Variants in ATP2C2 observed in about 807,000 individuals in gnomAD.
The protein encoded by ATP2C2 is ATPase secretory pathway Ca2+ transporting 2.
Under a neutral mutation model 110.8 loss-of-function variants are expected in ATP2C2, and 171 were observed. The ratio of observed to expected loss-of-function variants is 1.54; its 90% CI spans 1.36 to 1.75. ATP2C2 has a LOEUF of 1.75. Ranked by LOEUF, ATP2C2 falls within the 40% of genes most tolerant of loss-of-function variation. The pLI is 0.00. For missense variants in ATP2C2, 1,963 were observed against 1,235.0 expected, an observed-to-expected ratio of 1.59 and a Z score of -8.84; for synonymous variants, 804 against 508.4, an observed-to-expected ratio of 1.58 and a Z score of -7.82.
intron 15 of ATP2C2, among the ~76,000 whole-genome samples, chr16:84,445,702 ACTCC>A (rs1909683213): frequency 6.6e-6 from 1 of 151,706 alleles, no homozygotes; most frequent in East Asian, 1.9e-4. Flanking sequence ...TAATCACCCC[ACTCC>A]CTCCCCATGA....
At chr16:84,370,260 T>A (rs1597720391) in intron 1 of ATP2C2, among the ~76,000 whole-genome samples, 1 of 152,168 alleles carries the variant, frequency 6.6e-6, no homozygotes, top group Admixed American at 6.5e-5. Flanking sequence ...GTTCAGCCGG[T>A]CTGTCAGTGT....
chr16:84,421,445 G>A (rs1907330444), intron 7 of ATP2C2, among the ~76,000 whole-genome samples: 1 of 152,162 alleles, frequency 6.6e-6, no homozygotes, highest in Non-Finnish European at 1.5e-5. Context: ...GAAGTCGCAG[G>A]TCCCTGTTTG....
intron 4 of ATP2C2, among the ~76,000 whole-genome samples, chr16:84,408,947 G>C (rs968502686): frequency 6.6e-6 from 1 of 151,876 alleles, no homozygotes; most frequent in Non-Finnish European, 1.5e-5. Flanking sequence ...TTCATGATAT[G>C]GTGCCACCAC....
At chr16:84,401,005 C>T (rs1222626395) in intron 2 of ATP2C2, among the ~76,000 whole-genome samples, 1 of 152,070 alleles carries the variant, frequency 6.6e-6, no homozygotes, top group Admixed American at 6.5e-5. Context: ...ATATTTTCTT[C>T]CATTCTGTGG....
At chr16:84,368,969 C>A (rs1008891335) in intron 1 of ATP2C2, among the ~76,000 whole-genome samples, 1 of 152,196 alleles carries the variant, frequency 6.6e-6, no homozygotes, top group Non-Finnish European at 1.5e-5. Flanking sequence ...AAGTATATTC[C>A]CTAAGGGGCA....
At chr16:84,443,380 A>G (rs931715674) in intron 15 of ATP2C2, among the ~76,000 whole-genome samples, 3 of 151,936 alleles carry the variant, frequency 2.0e-5, no homozygotes, top group Middle Eastern at 3.2e-3. Context: ...CCTTTCCCCG[A>G]CCCGCTCCGT....
chr16:84,400,243 T>G (rs1243895977), intron 2 of ATP2C2, among the ~76,000 whole-genome samples: 1 of 152,204 alleles, frequency 6.6e-6, no homozygotes, highest in Non-Finnish European at 1.5e-5. Context: ...TGCAGATATC[T>G]CTTCAATATT....
chr16:84,386,130 A>T (rs927006316), intron 1 of ATP2C2, among the ~76,000 whole-genome samples: 1 of 152,130 alleles, frequency 6.6e-6, no homozygotes, highest in Non-Finnish European at 1.5e-5. Flanking sequence ...TTGGCCCTGG[A>T]AAAAGCCATT....
At chr16:84,384,384 G>C (rs546222442) in intron 1 of ATP2C2, among the ~76,000 whole-genome samples, 1 of 152,092 alleles carries the variant, frequency 6.6e-6, no homozygotes, top group Admixed American at 6.5e-5. Context: ...ATGTTTCCTC[G>C]GGATTTGGCT....
In ATP2C2 at chr16:84,462,117, C is replaced by G. The variant is rs1380796715; in HGVS notation, c.2710C>G (p.Leu904Val). Residue 904 changes from leucine (L) to valine (V), a missense_variant, in exon 26 of 27, where the codon CTG becomes GTG. Leu to Val is a conservative substitution (Grantham distance 32, BLOSUM62 1). Transcript: ENST00000262429. ...GCAGAGGGTCTTCCAGACGGAGAAC[C>G]TGGGAGCGCTTGGTGAGTGGTGGGG... is the stretch of plus-strand genomic sequence containing the variant. ...PLQRVFQTENLGALDLLFLTG... is the reference protein window; with the variant it reads ...PLQRVFQTENVGALDLLFLTG... The G allele has an allele frequency of 2.5e-6, 4 of 1,613,274 alleles. No homozygotes were observed. Among genetic ancestry groups the G allele is most frequent in the African/African-American group, 2.7e-5 (2 of 74,908 alleles).
chr16:84,451,510 G>C (rs1018722283), intron 17 of ATP2C2, among the ~76,000 whole-genome samples: 1 of 152,206 alleles, frequency 6.6e-6, no homozygotes, highest in African/African-American at 2.4e-5. Context: ...TGAGCCCTCT[G>C]CAGACCGAGG....
chr16:84,454,724 C>A, intron 20 of ATP2C2, 94 bp from the exon 21 acceptor site: 1 of 1,337,226 alleles, frequency 7.5e-7, no homozygotes, highest in Non-Finnish European at 1.0e-6. Flanking sequence ...GCCCTCCAGA[C>A]AGAGGTGTCT....
chr16:84,394,204 T>G, intron 1 of ATP2C2, among the ~76,000 whole-genome samples: 1 of 152,086 alleles, frequency 6.6e-6, no homozygotes, highest in Admixed American at 6.5e-5. Context: ...AACAAAATTC[T>G]TATTTTATTG....
intron 20 of ATP2C2, 144 bp from the exon 21 acceptor site, chr16:84,454,674 C>T (rs1172950011): frequency 1.9e-5 from 16 of 845,108 alleles, no homozygotes; most frequent in Non-Finnish European, 1.2e-5. Context: ...GCCCAATTCC[C>T]ACAGCTAATG....
intron 1 of ATP2C2, among the ~76,000 whole-genome samples, chr16:84,395,450 G>A (rs1444477062): frequency 6.7e-6 from 1 of 148,316 alleles, no homozygotes; most frequent in Non-Finnish European, 1.5e-5. Context: ...CAGGGGAATT[G>A]GTGCCTTTGA....
intron 10 of ATP2C2, among the ~76,000 whole-genome samples, chr16:84,424,458 G>T (rs1414675927): frequency 6.6e-6 from 1 of 151,914 alleles, no homozygotes; most frequent in Non-Finnish European, 1.5e-5. Flanking sequence ...TTGTATTTTT[G>T]GTAGAGACAG....
chr16:84,443,361 G>C (rs944321598), intron 15 of ATP2C2, among the ~76,000 whole-genome samples: 1 of 152,280 alleles, frequency 6.6e-6, no homozygotes, highest in African/African-American at 2.4e-5. Context: ...CCTGGACACT[G>C]TGGGAGCTCC....
chr16:84,455,761 A>C (rs1910738396), intron 21 of ATP2C2, among the ~76,000 whole-genome samples: 1 of 151,702 alleles, frequency 6.6e-6, no homozygotes, highest in Non-Finnish European at 1.5e-5. Flanking sequence ...GAAAAAAAAA[A>C]AAAAGTCATA....
intron 16 of ATP2C2, among the ~76,000 whole-genome samples, chr16:84,447,737 T>C (rs1461601239): frequency 7.2e-6 from 1 of 139,326 alleles, no homozygotes; most frequent in Non-Finnish European, 1.5e-5. Flanking sequence ...AATATATTAG[T>C]TATATATAAT....
Sources: gnomAD v4.1 joint callset for allele counts (sites outside exome capture counted in the v4.1 genomes callset) on GRCh38, gnomAD v4.1.1 for gene constraint, MANE v1.5 for transcripts, NCBI Gene and HGNC (gene_info 2026-07-23, HGNC 2026-07-21) for gene names.